Variants in RBM39 observed in about 807,000 individuals in gnomAD.
RBM39 encodes RNA binding motif protein 39, also known as RNA-binding protein 39.
A neutral mutation model predicts 79.6 loss-of-function variants in RBM39; 12 were observed. The ratio of observed to expected loss-of-function variants is 0.15; its 90% CI spans 0.10 to 0.24. The LOEUF is 0.24. RBM39 is among the 10% of genes least tolerant of loss of function. The pLI is 1.00. For missense variants in RBM39, 243 were observed against 653.4 expected, an observed-to-expected ratio of 0.37 and a Z score of 6.85; for synonymous variants, 185 against 208.4, an observed-to-expected ratio of 0.89 and a Z score of 0.97.
intron 3 of RBM39, among the ~76,000 whole-genome samples, chr20:35,737,756 G>A (rs187432641): frequency 1.7e-4 from 26 of 149,216 alleles, no homozygotes; most frequent in Admixed American, 1.3e-3. Flanking sequence ...GGCTGAGGCA[G>A]GAGAATAGCA....
chr20:35,705,157 A>G lies in RBM39; in HGVS notation c.1413+68T>C, dbSNP rs927400790. ...AAGACGGTTAACCATAACATGCACCACATAATGTGCGAAGATTAAGGTAGA... is the reference window on the plus strand; with the variant it reads ...AAGACGGTTAACCATAACATGCACCGCATAATGTGCGAAGATTAAGGTAGA... On this transcript the variant is annotated intron_variant, in intron 15 of 16. Transcript: ENST00000253363. 3 of 911,942 alleles carry G rather than the reference A, an allele frequency of 3.3e-6. No homozygotes were observed. In the African/African-American group the frequency reaches 5.2e-5, roughly 16 times the overall value. The allele number at this position is 911,942 out of a possible 1,614,324, so 56.5% of individuals were successfully genotyped here.
rs2036099796 is a variant in RBM39, at chr20:35,709,065, TAC to T, written c.1225+157_1225+158del. ...TTAATTTGGGTTAGGTCTTCTGAAA[TAC>T]AGACAGATTACTATGAATATACCAC... On this transcript the variant is annotated intron_variant, in intron 13 of 16. Coordinates refer to ENST00000253363, the MANE Select transcript of RBM39 (RefSeq NM_184234.3). The T allele has an allele frequency of 5.8e-6, 3 of 521,254 alleles. No individual in the cohort carries two copies. The East Asian group carries it at 9.6e-5, about 17-fold the overall frequency. The allele number at this position is 521,254 out of a possible 1,614,324, so 32.3% of individuals were successfully genotyped here.
chr20:35,737,747 G>T (rs926540785), intron 3 of RBM39, among the ~76,000 whole-genome samples: 1 of 150,260 alleles, frequency 6.7e-6, no homozygotes, highest in African/African-American at 2.5e-5. Flanking sequence ...TACCTGGGAG[G>T]CTGAGGCAGG....
chr20:35,728,620 T>C (rs2039022154), intron 6 of RBM39, among the ~76,000 whole-genome samples: 1 of 151,934 alleles, frequency 6.6e-6, no homozygotes, highest in South Asian at 2.1e-4. Flanking sequence ...CTACTTAAAA[T>C]ACAAAAATTT....
chr20:35,735,529 A>G (rs1295832382), intron 3 of RBM39, among the ~76,000 whole-genome samples: 1 of 152,238 alleles, frequency 6.6e-6, no homozygotes, highest in Non-Finnish European at 1.5e-5. Context: ...GGCTTTTAAG[A>G]CAATGAAGTT....
At chr20:35,705,383 T>A in intron 14 of RBM39, 53 bp from the exon 15 acceptor site, 1 of 975,518 alleles carries the variant, frequency 1.0e-6, no homozygotes, top group South Asian at 1.5e-5. Context: ...ACAAACTATA[T>A]ATTTACAAAT....
At chr20:35,725,418 T>C (rs2146633166) in intron 6 of RBM39, among the ~76,000 whole-genome samples, 1 of 152,260 alleles carries the variant, frequency 6.6e-6, no homozygotes, top group Admixed American at 6.5e-5. Flanking sequence ...CAAGTTGGTC[T>C]TGAACTACTG....
chr20:35,706,283 G>C (rs1286219410), intron 14 of RBM39, among the ~76,000 whole-genome samples: 1 of 152,200 alleles, frequency 6.6e-6, no homozygotes, highest in East Asian at 1.9e-4. Context: ...AGTGAGCTAA[G>C]ATAGAGCCGG....
rs556331321 is a variant in RBM39, at chr20:35,727,486, CT to C, written c.416+1825del. On this transcript the variant is annotated intron_variant, in intron 6 of 16. Transcript: ENST00000253363. ...TCGTAGACTGAACAAATACAGTTCC[CT>C]TTTTTTTTGTAGACAGTCTTGCTCT... 3.5e-4 allele frequency among the ~76,000 whole-genome samples: 53 copies of C among 149,660 alleles called. 2 individuals carry two copies. In the South Asian group the frequency reaches 3.8e-3, roughly 11 times the overall value.
intron 3 of RBM39, among the ~76,000 whole-genome samples, chr20:35,738,470 C>T (rs984461364): frequency 1.3e-5 from 2 of 149,008 alleles, no homozygotes; most frequent in Admixed American, 1.3e-4. Context: ...TGAAAGCCAC[C>T]TTTAGAAGTA....
At chr20:35,713,336 G>C (rs1448611389) in intron 11 of RBM39, 11 of 365,238 alleles carry the variant, frequency 3.0e-5, no homozygotes. Context: ...TTGAGATGGA[G>C]TATCGCTCTT....
chr20:35,706,531 A>G (rs773592106), intron 14 of RBM39, among the ~76,000 whole-genome samples: 1 of 151,414 alleles, frequency 6.6e-6, no homozygotes, highest in Non-Finnish European at 1.5e-5. Flanking sequence ...CTACATTTTG[A>G]TTGGATGTAC....
At position 35,732,322 on chromosome 20, in the gene RBM39, C is replaced by G. The variant is rs962496845; in HGVS notation, c.102-187G>C. 12 of 602,710 alleles carry G rather than the reference C, an allele frequency of 2.0e-5. No individual in the cohort carries two copies. In the Admixed American group the frequency reaches 3.6e-4, roughly 18 times the overall value. 37.3% of individuals were successfully genotyped at this position (602,710 alleles called of 1,614,324 possible). On this transcript the variant is annotated intron_variant, in intron 3 of 16. Transcript: ENST00000253363. ...CCTGTAATCTCAGCACTTTGGTAGG[C>G]CGAGGCAGGCAGATCACAAGGTCAG...
chr20:35,714,845 A>G (rs771433025), intron 10 of RBM39, among the ~76,000 whole-genome samples: 3 of 152,150 alleles, frequency 2.0e-5, no homozygotes, highest in Non-Finnish European at 2.9e-5. Context: ...TAAATACATA[A>G]CTTGATATAA....
chr20:35,705,423 TAA>T, intron 14 of RBM39, 93 bp from the exon 15 acceptor site: 1 of 719,372 alleles, frequency 1.4e-6, no homozygotes. Flanking sequence ...TTCTATGAAT[TAA>T]AAAAAATACT....
At chr20:35,739,571 T>C (rs1408220459) in intron 2 of RBM39, 1 of 470,638 alleles carries the variant, frequency 2.1e-6, no homozygotes, top group South Asian at 1.6e-5. Flanking sequence ...GGATTCACAC[T>C]GCTTTAGTAA....
rs1402615595 is a variant in RBM39, at chr20:35,714,484, A to G, written c.892-95T>C. 12 of 1,399,544 alleles carry G rather than the reference A, an allele frequency of 8.6e-6. No individual in the cohort carries two copies. In the African/African-American group the frequency reaches 1.3e-4, roughly 15 times the overall value. 86.7% of individuals were successfully genotyped at this position (1,399,544 alleles called of 1,614,324 possible). A position where few individuals can be genotyped will look rare whatever the true frequency, so the allele number is the denominator to read the frequency against. On this transcript the variant is annotated intron_variant, in intron 10 of 16. Transcript: ENST00000253363. ...TATATTTATATTTTTAGCATATTCA[A>G]TAATTACTTCTGAATACTAAGGTAG...
chr20:35,704,558 C>T lies in RBM39; in HGVS notation c.1516G>A (p.Val506Ile). 6.2e-7 allele frequency: 1 copy of T among 1,613,420 alleles called. No homozygotes were observed. Among genetic ancestry groups the T allele is most frequent in the Non-Finnish European group, 8.5e-7 (1 of 1,179,398 alleles). Residue 506 changes from valine to isoleucine, a missense_variant, in exon 17 of 17, where the codon GTA becomes ATA. Physicochemically the swap from Val to Ile is conservative, Grantham distance 29. Around this residue, in one of 4 missense-constraint regions of RBM39, gnomAD observed 48 missense variants for 130.2 expected, o/e 0.37. Transcript: ENST00000253363. ...FAGKMITAAYVPLPTYHNLFP... is the reference protein window; with the variant it reads ...FAGKMITAAYIPLPTYHNLFP... ...AGGTTGTGGTAAGTTGGAAGAGGTA[C>T]ATATGCTGCTGTTATCATTTTACCT... is the stretch of plus-strand genomic sequence containing the variant.
rs1285878422 is a variant in RBM39 at position 35,729,290 on chromosome 20, A to AGGCTT, written c.416+17_416+21dup. 15 of 1,563,440 alleles carry AGGCTT rather than the reference A, an allele frequency of 9.6e-6. No individual in the cohort carries two copies. The Admixed American group carries it at 3.2e-4, about 34-fold the overall frequency. On this transcript the variant is annotated intron_variant, in intron 6 of 16. Coordinates refer to ENST00000253363, the MANE Select transcript of RBM39 (RefSeq NM_184234.3). Reference sequence around the variant, plus strand: ...GCTGCAAAAGCTTTTTAAGAGCTAAAGGCTTTAAAGAAGTAAACTACCTCA... The same window carrying AGGCTT: ...GCTGCAAAAGCTTTTTAAGAGCTAAAGGCTTGGCTTTAAAGAAGTAAACTACCTCA...
Sources: allele counts gnomAD v4.1 joint callset (sites outside exome capture counted in the v4.1 genomes callset), GRCh38; gene constraint gnomAD v4.1.1; regional missense constraint gnomAD v4.1.1; transcripts MANE v1.5; gene names NCBI Gene and HGNC (gene_info 2026-07-23, HGNC 2026-07-21).